THSD7A: variants seen among roughly 807,000 people sequenced by gnomAD.
The protein encoded by THSD7A is thrombospondin type-1 domain-containing protein 7A.
Under a neutral mutation model 231.3 loss-of-function variants are expected in THSD7A, and 96 were observed. That is an observed-to-expected ratio of 0.41 (90% CI 0.35 to 0.49). The LOEUF is 0.49. Among genes scored for constraint, THSD7A ranks in the 20% least tolerant of loss-of-function variants. The pLI is 0.05. For missense variants in THSD7A, 2,290 were observed against 2,070.2 expected (o/e 1.11, Z -2.06); for synonymous variants, 940 against 743.3 (o/e 1.26, Z -4.30).
chr7:11,501,945 G>A (rs951697814), intron 6 of THSD7A, among the ~76,000 whole-genome samples: 1 of 152,140 alleles, frequency 6.6e-6, no homozygotes, highest in Non-Finnish European at 1.5e-5. Context: ...TGAAGGGAAT[G>A]TTACCACTGA....
chr7:11,514,958 G>T (rs1363037818), intron 6 of THSD7A, among the ~76,000 whole-genome samples: 5 of 152,094 alleles, frequency 3.3e-5, no homozygotes, highest in Admixed American at 2.0e-4. Flanking sequence ...TAAGAAGATG[G>T]ATCTTTCTGT....
intron 6 of THSD7A, among the ~76,000 whole-genome samples, chr7:11,532,001 T>C (rs1017972457): frequency 1.2e-4 from 18 of 152,078 alleles, no homozygotes; most frequent in African/African-American, 3.6e-4. Context: ...CTTTGACCCA[T>C]AGAATGTGGC....
In THSD7A at chr7:11,634,187, A is replaced by G. The variant is rs1781753314; in HGVS notation, c.1022+1943T>C. 6.6e-6 allele frequency among the ~76,000 whole-genome samples: 1 copy of G among 152,188 alleles called. No homozygotes were observed. Among genetic ancestry groups the G allele is most frequent in the Non-Finnish European group, 1.5e-5 (1 of 68,012 alleles). ...ATAAAGTTTAACCTATACTGTAATA[A>G]GTCAGAAAATATATGCAACTATCAA... On this transcript the variant is annotated intron_variant, in intron 2 of 27. Transcript: ENST00000423059. The surrounding 1 kb of genome is among the most constrained non-coding windows in gnomAD (Gnocchi z 4.1).
At position 11,762,308 on chromosome 7, in the gene THSD7A, C is replaced by A. The variant is rs139784275; in HGVS notation, c.190+69449G>T. Among the ~76,000 whole-genome samples the A allele has an allele frequency of 6.6e-3, 1,006 of 152,160 alleles. 6 individuals are homozygous for A. Among genetic ancestry groups the A allele is most frequent in the Non-Finnish European group, 9.6e-3 (654 of 67,994 alleles). On this transcript the variant is annotated intron_variant, in intron 1 of 27. Transcript: ENST00000423059. ...ATGATATTGTTAGTTATTTGAGACA[C>A]CCCCATACTGATTTTCATAGGTGTT...
intron 4 of THSD7A, among the ~76,000 whole-genome samples, chr7:11,575,178 A>G (rs375364290): frequency 8.5e-5 from 13 of 152,294 alleles, no homozygotes; most frequent in African/African-American, 3.1e-4. Flanking sequence ...CATTATTATT[A>G]CTACTTCAAA....
intron 4 of THSD7A, among the ~76,000 whole-genome samples, chr7:11,551,534 T>C (rs1223969551): frequency 1.3e-5 from 2 of 151,906 alleles, no homozygotes; most frequent in African/African-American, 2.4e-5. Context: ...GGGCAAACTA[T>C]AATACATGAA....
rs990085529 is a variant in THSD7A at position 11,632,170 on chromosome 7, C to A, written c.1022+3960G>T. Among the ~76,000 whole-genome samples the A allele has an allele frequency of 3.9e-5, 6 of 151,934 alleles. No homozygotes were observed. Among genetic ancestry groups the A allele is most frequent in the Admixed American group, 3.9e-4 (6 of 15,234 alleles). On this transcript the variant is annotated intron_variant, in intron 2 of 27. Transcript: ENST00000423059. This position sits in a 1 kb window ranked among gnomAD's most constrained non-coding sequence, Gnocchi z 4.1. ...CTCTCTCTTTATTTTTCAGTATTTTCCTGTCTAATACATCTATTTTTCCCT... is the reference window on the plus strand; with the variant it reads ...CTCTCTCTTTATTTTTCAGTATTTTACTGTCTAATACATCTATTTTTCCCT...
chr7:11,690,357 G>T (rs1202576200), intron 1 of THSD7A, among the ~76,000 whole-genome samples: 1 of 151,680 alleles, frequency 6.6e-6, no homozygotes, highest in African/African-American at 2.4e-5. Context: ...TAGGATTAAG[G>T]CATAAAGTAG....
At chr7:11,684,094 T>A (rs901192415) in intron 1 of THSD7A, among the ~76,000 whole-genome samples, 2 of 151,936 alleles carry the variant, frequency 1.3e-5, no homozygotes, top group African/African-American at 4.8e-5. Context: ...AATTGATAAA[T>A]GTGATTCACT....
intron 1 of THSD7A, among the ~76,000 whole-genome samples, chr7:11,763,695 G>A (rs1782936268): frequency 6.6e-6 from 1 of 152,040 alleles, no homozygotes; most frequent in South Asian, 2.1e-4. Context: ...TTCTTTGAAT[G>A]TCATTTCCCT....
At chr7:11,386,275 C>CA (rs1435530678) in intron 23 of THSD7A, among the ~76,000 whole-genome samples, 15 of 150,734 alleles carry the variant, frequency 1.0e-4, no homozygotes, top group Non-Finnish European at 1.5e-4. Context: ...GGTTCTAGAT[C>CA]CTTGAGGAAC....
At chr7:11,668,597 A>C (rs1353778521) in intron 1 of THSD7A, among the ~76,000 whole-genome samples, 1 of 152,226 alleles carries the variant, frequency 6.6e-6, no homozygotes, top group East Asian at 1.9e-4. Flanking sequence ...AATCAGCACA[A>C]TTAAACAAAA....
intron 1 of THSD7A, among the ~76,000 whole-genome samples, chr7:11,707,160 C>T (rs1485415037): frequency 6.6e-6 from 1 of 150,844 alleles, no homozygotes; most frequent in Non-Finnish European, 1.5e-5. Flanking sequence ...CAACCACTTT[C>T]AAGTAGGCCT....
At chr7:11,393,860 A>T (rs2115336754) in intron 23 of THSD7A, among the ~76,000 whole-genome samples, 1 of 152,256 alleles carries the variant, frequency 6.6e-6, no homozygotes, top group African/African-American at 2.4e-5. Flanking sequence ...GAAATATGGG[A>T]CTATGTGAAA....
chr7:11,548,606 T>G (rs1789495825), intron 4 of THSD7A, among the ~76,000 whole-genome samples: 1 of 151,618 alleles, frequency 6.6e-6, no homozygotes, highest in Admixed American at 6.6e-5. Context: ...GATGCAAAAA[T>G]CCTCAAAAAT....
intron 19 of THSD7A, among the ~76,000 whole-genome samples, chr7:11,409,350 A>C (rs1402400142): frequency 6.6e-6 from 1 of 152,202 alleles, no homozygotes; most frequent in Non-Finnish European, 1.5e-5. Context: ...GCACAGTCGA[A>C]TTTTAAGTCC....
At chr7:11,465,592 A>G (rs1785670328) in intron 9 of THSD7A, among the ~76,000 whole-genome samples, 1 of 152,080 alleles carries the variant, frequency 6.6e-6, no homozygotes, top group Non-Finnish European at 1.5e-5. Flanking sequence ...TAAACTGGAT[A>G]TGGGATGGAT....
chr7:11,400,873 G>T (rs1783377845), intron 23 of THSD7A, among the ~76,000 whole-genome samples: 1 of 152,114 alleles, frequency 6.6e-6, no homozygotes, highest in Non-Finnish European at 1.5e-5. Flanking sequence ...AGGGTTGTTT[G>T]TTGAGCCCCA....
chr7:11,764,906 G>A (rs1342093620), intron 1 of THSD7A, among the ~76,000 whole-genome samples: 2 of 152,078 alleles, frequency 1.3e-5, no homozygotes, highest in Non-Finnish European at 2.9e-5. Context: ...TGGATTTTAA[G>A]AGGCTAATCT....
Sources: allele counts gnomAD v4.1 joint callset (sites outside exome capture counted in the v4.1 genomes callset), GRCh38; gene constraint gnomAD v4.1.1; non-coding constraint Gnocchi (gnomAD v3.1); transcripts MANE v1.5; gene names NCBI Gene and HGNC (gene_info 2026-07-23, HGNC 2026-07-21).